RNASET2: variants seen among roughly 807,000 people sequenced by gnomAD.
The protein encoded by RNASET2 is ribonuclease T2.
A neutral mutation model predicts 33.9 loss-of-function variants in RNASET2; 28 were observed. The ratio of observed to expected loss-of-function variants is 0.83; its 90% CI spans 0.61 to 1.13. RNASET2 has a LOEUF of 1.13. Among genes scored for constraint, RNASET2 ranks in the 50% most tolerant of loss-of-function variants. The probability of loss-of-function intolerance (pLI) is 0.00; values close to 1 mark genes in which losing one functional copy is unlikely to be tolerated. For missense variants in RNASET2, 330 were observed against 319.9 expected (o/e 1.03, Z -0.24); for synonymous variants, 123 against 121.0 (o/e 1.02, Z -0.11).
chr6:166,954,906 G>A (rs567337200), intron 1 of RNASET2, among the ~76,000 whole-genome samples: 2 of 152,160 alleles, frequency 1.3e-5, no homozygotes, highest in East Asian at 1.9e-4. Context: ...CAGGAGAATC[G>A]CTTGAACCCG....
At chr6:166,946,570 G>T in intron 4 of RNASET2, 112 bp downstream of exon 4, 2 of 721,916 alleles carry the variant, frequency 2.8e-6, no homozygotes, top group Non-Finnish European at 5.0e-6. Flanking sequence ...CAATCCTGGT[G>T]AATACATTCA....
intron 7 of RNASET2, 162 bp from the exon 8 acceptor site, chr6:166,931,280 G>A (rs1245634322): frequency 1.1e-5 from 7 of 658,404 alleles, no homozygotes; most frequent in South Asian, 5.1e-5. Context: ...CTCCACCAGC[G>A]AAGCAGAGGA....
chr6:166,937,657 G>A (rs1018240442), intron 6 of RNASET2, among the ~76,000 whole-genome samples: 16 of 152,150 alleles, frequency 1.1e-4, no homozygotes, highest in African/African-American at 3.6e-4. Flanking sequence ...TTAAGAGCTG[G>A]AAGAGACTTC....
rs567653590 is a variant in RNASET2, at chr6:166,923,199, GATTAC to G, written c.*6384_*6388del. 2.7e-3 allele frequency among the ~76,000 whole-genome samples: 401 copies of G among 149,242 alleles called. 4 individuals are homozygous for G. Among genetic ancestry groups the G allele is most frequent in the African/African-American group, 9.7e-3 (388 of 39,956 alleles). On this transcript the variant is annotated 3_prime_UTR_variant, in exon 9 of 9. Transcript: ENST00000508775. The stretch of plus-strand genomic sequence containing the variant: ...AACCTCCAGCCTCCCAGAGGGCTGG[GATTAC>G]AGGCGTGAGCCACCAGGCCCGGCCT...
At chr6:166,948,793 TACA>T (rs1339314929) in intron 2 of RNASET2, among the ~76,000 whole-genome samples, 168 bp from the exon 3 acceptor site, 1 of 152,196 alleles carries the variant, frequency 6.6e-6, no homozygotes, top group East Asian at 1.9e-4. Flanking sequence ...ATACATTGCT[TACA>T]ACAACACATC....
At chr6:166,942,953 G>A (rs1019617387) in intron 5 of RNASET2, 66 bp downstream of exon 5, 14 of 1,301,290 alleles carry the variant, frequency 1.1e-5, no homozygotes, top group East Asian at 2.3e-5. Context: ...CACTTCTAGC[G>A]ATTCATCACG....
chr6:166,923,072 G>A lies in RNASET2; in HGVS notation c.*6516C>T, dbSNP rs548006357. Among the ~76,000 whole-genome samples the A allele has an allele frequency of 7.6e-4, 116 of 152,252 alleles. 1 individual carries two copies. The highest frequency in any genetic ancestry group is 2.7e-3 in the African/African-American group (114 of 41,538). ...CATAAAGTCCATACAGCATTTAATG[G>A]ATCTTAACTTTATCCATCTCAAACT... On this transcript the variant is annotated 3_prime_UTR_variant, in exon 9 of 9. Coordinates refer to ENST00000508775, the MANE Select transcript of RNASET2 (RefSeq NM_003730.6).
chr6:166,924,755 C>A lies in RNASET2; in HGVS notation c.*4833G>T, dbSNP rs763436200. On this transcript the variant is annotated 3_prime_UTR_variant, in exon 9 of 9. Coordinates refer to ENST00000508775, the MANE Select transcript of RNASET2 (RefSeq NM_003730.6). ...ATCACCCGAGGTCGGGAGTTTGAGA[C>A]CAGCGTGACCAACATGGAGAAAACC... Among the ~76,000 whole-genome samples the A allele has an allele frequency of 2.6e-5, 4 of 152,120 alleles. No homozygotes were observed. The highest frequency in any genetic ancestry group is 6.5e-5 in the Admixed American group (1 of 15,270).
rs1779143143 is a variant in RNASET2 at position 166,955,536 on chromosome 6, G to C, written c.86+561C>G. ...AGCTGAAATTAAGTGTCCCCTCCACGACTTCTTCGACCTCTGAGAGAACTT... is the reference window on the plus strand; with the variant it reads ...AGCTGAAATTAAGTGTCCCCTCCACCACTTCTTCGACCTCTGAGAGAACTT... On this transcript the variant is annotated intron_variant, in intron 1 of 8. Coordinates refer to ENST00000508775, the MANE Select transcript of RNASET2 (RefSeq NM_003730.6). 7.1e-6 allele frequency: 7 copies of C among 986,674 alleles called. No individual in the cohort carries two copies. In the South Asian group the frequency reaches 1.8e-4, roughly 26 times the overall value. The allele number at this position is 986,674 out of a possible 1,614,324, so 61.1% of individuals were successfully genotyped here. A position where few individuals can be genotyped will look rare whatever the true frequency, so the allele number is the denominator to read the frequency against.
intron 1 of RNASET2, chr6:166,955,529 C>T: frequency 2.0e-6 from 2 of 986,822 alleles, no homozygotes; most frequent in Non-Finnish European, 2.4e-6. Context: ...TTAAGTGTCC[C>T]CTCCACGACT....
At chr6:166,932,131 A>G (rs1391597839) in intron 7 of RNASET2, 1 of 152,724 alleles carries the variant, frequency 6.5e-6, no homozygotes, top group Non-Finnish European at 1.5e-5. Context: ...TGGAGGCCTG[A>G]GGCAGGACCT....
intron 5 of RNASET2, among the ~76,000 whole-genome samples, chr6:166,939,339 A>T (rs2128645286): frequency 1.3e-5 from 2 of 152,332 alleles, no homozygotes; most frequent in Admixed American, 1.3e-4. Context: ...TCAAAAAAAA[A>T]GTAATGAAAC....
chr6:166,923,257 A>C lies in RNASET2; in HGVS notation c.*6331T>G. Among the ~76,000 whole-genome samples the C allele has an allele frequency of 9.8e-6, 1 of 102,148 alleles. No homozygotes were observed. Among genetic ancestry groups the C allele is most frequent in the East Asian group, 2.6e-4 (1 of 3,894 alleles). The allele number at this position is 102,148 out of a possible 152,430, so 67.0% of individuals were successfully genotyped here. ...TTTTTTTTTTTTTTTTTTGAGACAG[A>C]GTCTTACTCTGTTGCCCAAGCTTGA... is the stretch of plus-strand genomic sequence containing the variant. On this transcript the variant is annotated 3_prime_UTR_variant, in exon 9 of 9. Coordinates refer to ENST00000508775, the MANE Select transcript of RNASET2 (RefSeq NM_003730.6).
intron 4 of RNASET2, among the ~76,000 whole-genome samples, chr6:166,945,619 T>C (rs191239568): frequency 6.6e-6 from 1 of 151,882 alleles, no homozygotes; most frequent in Non-Finnish European, 1.5e-5. Context: ...TCACCTGAGG[T>C]CAGGAGTTCG....
intron 6 of RNASET2, among the ~76,000 whole-genome samples, chr6:166,937,598 G>A (rs1475693667): frequency 6.6e-6 from 1 of 152,182 alleles, no homozygotes; most frequent in African/African-American, 2.4e-5. Flanking sequence ...AAATCAAAGT[G>A]TATAGGTCTG....
In RNASET2 at chr6:166,931,233, A is replaced by C. The variant is rs1778431269; in HGVS notation, c.493-115T>G. The C allele has an allele frequency of 5.0e-6, 4 of 800,228 alleles. No homozygotes were observed. The South Asian group carries it at 5.4e-5, about 11-fold the overall frequency. The allele number at this position is 800,228 out of a possible 1,614,324, so 49.6% of individuals were successfully genotyped here. The stretch of plus-strand genomic sequence containing the variant: ...TCCTGGTCTCCCTTGGCTGGCAGGG[A>C]CAGGACCCAGCACAGGTGTGAGAAT... On this transcript the variant is annotated intron_variant, in intron 7 of 8. Coordinates refer to ENST00000508775, the MANE Select transcript of RNASET2 (RefSeq NM_003730.6).
chr6:166,955,332 C>G (rs550137825), intron 1 of RNASET2, among the ~76,000 whole-genome samples: 1 of 87,032 alleles, frequency 1.1e-5, no homozygotes, highest in Non-Finnish European at 2.0e-5. Flanking sequence ...CACACGCACG[C>G]ACGCACACGC....
intron 5 of RNASET2, 116 bp downstream of exon 5, chr6:166,942,903 C>G (rs1562499040): frequency 1.2e-6 from 1 of 848,402 alleles, no homozygotes; most frequent in Non-Finnish European, 2.0e-6. Flanking sequence ...TGCTCAGCCC[C>G]AGAAGACAGA....
chr6:166,931,090 C>G lies in RNASET2; in HGVS notation c.521G>C (p.Arg174Thr), dbSNP rs1330770810. The change falls in exon 8 of 9, where the codon AGA (arginine) becomes ACA (threonine). Residue 174 changes from arginine (R) to threonine (T), a missense_variant. Arg to Thr is a moderately conservative substitution (Grantham distance 71, BLOSUM62 -1). Coordinates refer to ENST00000508775, the MANE Select transcript of RNASET2 (RefSeq NM_003730.6). Reference sequence around the variant, plus strand: ...GATTTTGGGTATCACTCCATATACTCTGGCAAGGGCATCTTTAAAATCTGC... The same window carrying G: ...GATTTTGGGTATCACTCCATATACTGTGGCAAGGGCATCTTTAAAATCTGC... Reference protein sequence around the residue: ...QVADFKDALARVYGVIPKIQC... With the variant: ...QVADFKDALATVYGVIPKIQC... 2 of 1,612,078 alleles carry G rather than the reference C, an allele frequency of 1.2e-6. No individual in the cohort carries two copies. Among genetic ancestry groups the G allele is most frequent in the East Asian group, 2.2e-5 (1 of 44,890 alleles).
Sources: allele counts gnomAD v4.1 joint callset (sites outside exome capture counted in the v4.1 genomes callset), GRCh38; gene constraint gnomAD v4.1.1; transcripts MANE v1.5; gene names NCBI Gene and HGNC (gene_info 2026-07-23, HGNC 2026-07-21).